RHOBTB2: variants seen among roughly 807,000 people sequenced by gnomAD.
RHOBTB2 encodes Rho related BTB domain containing 2.
In RHOBTB2, 39 loss-of-function variants were observed where a neutral mutation model predicts 66.5. That is an observed-to-expected ratio of 0.59 (90% CI 0.45 to 0.77). RHOBTB2 has a LOEUF of 0.77. RHOBTB2 is among the 30% of genes least tolerant of loss of function. The pLI, the probability that RHOBTB2 is intolerant of heterozygous loss-of-function variation, is 0.00. For synonymous variants in RHOBTB2, 390 were observed against 395.0 expected (o/e 0.99, Z 0.15); for missense variants, 755 against 999.1 (o/e 0.76, Z 3.29).
chr8:22,964,681 T>A, the RHOBTB2 span, among the ~76,000 whole-genome samples: 1 of 152,164 alleles, frequency 6.6e-6, no homozygotes, highest in Non-Finnish European at 1.5e-5. Context: ...TAGTTTGTTG[T>A]CAGTGAGCAA....
chr8:22,994,440 G>A, intron 2 of RHOBTB2: 2 of 609,514 alleles, frequency 3.3e-6, no homozygotes, highest in Non-Finnish European at 5.7e-6. Context: ...CCGCTCTCTT[G>A]TCCTGAGTAG....
At chr8:22,988,483 C>T (rs1810342998) in intron 1 of RHOBTB2, among the ~76,000 whole-genome samples, 1 of 152,070 alleles carries the variant, frequency 6.6e-6, no homozygotes, top group Admixed American at 6.5e-5. Context: ...TTTCTTACTA[C>T]TCACTCCCAC....
chr8:22,971,914 TC>T, the RHOBTB2 span, among the ~76,000 whole-genome samples: 9 of 152,212 alleles, frequency 5.9e-5, no homozygotes, highest in African/African-American at 1.4e-4. Context: ...TATTTACACA[TC>T]CCTATCTAAG....
At chr8:22,962,892 G>C in the RHOBTB2 span, among the ~76,000 whole-genome samples, 4 of 152,346 alleles carry the variant, frequency 2.6e-5, no homozygotes, top group African/African-American at 9.6e-5. Flanking sequence ...AAATACTTGA[G>C]TGGACCACCT....
At chr8:22,995,331 G>A (rs1242310758), upstream of RHOBTB2, among the ~76,000 whole-genome samples, 4 of 152,150 alleles carry the variant, frequency 2.6e-5, no homozygotes, top group East Asian at 3.9e-4. Context: ...CTCCCCTGCC[G>A]GTCCCAGGGA....
chr8:22,975,286 T>A, the RHOBTB2 span, among the ~76,000 whole-genome samples: 1 of 152,152 alleles, frequency 6.6e-6, no homozygotes, highest in African/African-American at 2.4e-5. Flanking sequence ...CGGGGTCTTC[T>A]CTCACTAGCT....
At position 23,000,539 on chromosome 8, in the gene RHOBTB2, C is replaced by T. The variant is rs146070019; in HGVS notation, c.-11+434C>T. 4.5e-3 allele frequency among the ~76,000 whole-genome samples: 691 copies of T among 152,268 alleles called. 2 individuals carry two copies. The highest frequency in any genetic ancestry group is 0.024 in the Middle Eastern group (7 of 294). On this transcript the variant is annotated intron_variant, in intron 1 of 9. Coordinates refer to ENST00000251822, the MANE Select transcript of RHOBTB2 (RefSeq NM_015178.3). ...CCATTGCAGTCTATGTAACTGAGTT[C>T]TGTGAAACTACTGGGGAGATCTTTG...
At chr8:22,982,345 G>A in the RHOBTB2 span, among the ~76,000 whole-genome samples, 2 of 152,180 alleles carry the variant, frequency 1.3e-5, no homozygotes, top group Non-Finnish European at 2.9e-5. Flanking sequence ...TCTTGGCCAG[G>A]CTCGATGGCT....
At chr8:22,996,207 G>A (rs1247008728), upstream of RHOBTB2, among the ~76,000 whole-genome samples, 2 of 152,216 alleles carry the variant, frequency 1.3e-5, no homozygotes, top group Non-Finnish European at 2.9e-5. Context: ...CTGGGGACAG[G>A]TTCCAGGGGT....
chr8:23,006,080 C>T lies in RHOBTB2; in HGVS notation c.417C>T (p.Gly139=). 1 of 1,614,100 alleles carries T rather than the reference C, an allele frequency of 6.2e-7. No homozygotes were observed. The highest frequency in any genetic ancestry group is 8.5e-7 in the Non-Finnish European group (1 of 1,180,010). ...FCPRAPVILV[G]CQLDLRYADL... is the part of the protein sequence containing the mutation. ...CCCGAGCACCTGTCATCTTGGTGGG[C>T]TGCCAGTTGGACCTGCGCTACGCTG... Residue 139 remains glycine (G), a synonymous_variant, in exon 4 of 10, where the codon GGC becomes GGT. Coordinates refer to ENST00000251822, the MANE Select transcript of RHOBTB2 (RefSeq NM_015178.3). The surrounding 1 kb of genome is among the most constrained non-coding windows in gnomAD (Gnocchi z 6.1).
intron 3 of RHOBTB2, 119 bp from the exon 4 acceptor site, chr8:23,005,841 C>A: frequency 1.2e-6 from 1 of 862,106 alleles, no homozygotes; most frequent in Non-Finnish European, 1.8e-6. Flanking sequence ...GTCAAGAGCA[C>A]GTGAGCAGAT....
chr8:22,992,202 G>T (rs888392504), intron 2 of RHOBTB2: 2 of 152,084 alleles, frequency 1.3e-5, no homozygotes, highest in African/African-American at 4.8e-5. Context: ...GAGAAGAGAT[G>T]GGGGGGCTCC....
At chr8:22,976,214 G>A in the RHOBTB2 span, among the ~76,000 whole-genome samples, 1 of 152,030 alleles carries the variant, frequency 6.6e-6, no homozygotes, top group Admixed American at 6.6e-5. Context: ...TGGGGGAGAA[G>A]GGCAAGGGTC....
Position 23,020,033 on chromosome 8 carries a change from G to T in RHOBTB2, c.*2564G>T, listed in dbSNP as rs921372480. On this transcript the variant is annotated 3_prime_UTR_variant, in exon 10 of 10. Transcript: ENST00000251822. ...CTGAAAACAGAGGGGAGGGAGGAAG[G>T]AAGGAGTCCCAGCAGGAGCACAGCC... 3.1e-6 allele frequency: 1 copy of T among 327,056 alleles called. No individual in the cohort carries two copies. The highest frequency in any genetic ancestry group is 6.0e-6 in the Non-Finnish European group (1 of 167,198). 20.3% of individuals were successfully genotyped at this position (327,056 alleles called of 1,614,324 possible).
the RHOBTB2 span, among the ~76,000 whole-genome samples, chr8:22,971,784 C>A: frequency 6.6e-6 from 1 of 152,174 alleles, no homozygotes; most frequent in African/African-American, 2.4e-5. Flanking sequence ...GTTTTGCCCA[C>A]TGGATTCATC....
In RHOBTB2 at chr8:22,999,574, G is replaced by C; in HGVS notation, c.-542G>C. 15 of 1,217,558 alleles carry C rather than the reference G, an allele frequency of 1.2e-5. No individual in the cohort carries two copies. The highest frequency in any genetic ancestry group is 1.5e-5 in the Non-Finnish European group (14 of 959,758). 75.4% of individuals were successfully genotyped at this position (1,217,558 alleles called of 1,614,324 possible). A position where few individuals can be genotyped will look rare whatever the true frequency, so the allele number is the denominator to read the frequency against. On this transcript the variant is annotated 5_prime_UTR_variant, in exon 1 of 10. Transcript: ENST00000251822. Reference sequence around the variant, plus strand: ...GGGCCCGTCACGGCTGTCGTCTTGGGTGCGATTTTTTTCTCCTCCTTTTTT... The same window carrying C: ...GGGCCCGTCACGGCTGTCGTCTTGGCTGCGATTTTTTTCTCCTCCTTTTTT...
chr8:22,964,382 C>T, the RHOBTB2 span, among the ~76,000 whole-genome samples: 3 of 152,092 alleles, frequency 2.0e-5, no homozygotes, highest in Admixed American at 2.0e-4. Flanking sequence ...GTAAGCAGAC[C>T]ATGTTCTGTG....
chr8:22,956,505 T>G, the RHOBTB2 span, among the ~76,000 whole-genome samples: 1 of 151,970 alleles, frequency 6.6e-6, no homozygotes, highest in Non-Finnish European at 1.5e-5. Context: ...AAGTGCTCAC[T>G]CCCCCTTTGC....
At chr8:22,999,496 GC>G (rs896899931), upstream of RHOBTB2, 100 of 593,012 alleles carry the variant, frequency 1.7e-4, no homozygotes, top group Non-Finnish European at 2.1e-4. Context: ...TCCCCCGCCC[GC>G]CCCCTCCCCG....
Sources: allele counts gnomAD v4.1 joint callset (sites outside exome capture counted in the v4.1 genomes callset), GRCh38; gene constraint gnomAD v4.1.1; non-coding constraint Gnocchi (gnomAD v3.1); transcripts MANE v1.5; gene names NCBI Gene and HGNC (gene_info 2026-07-23, HGNC 2026-07-21).